Variants in DDX5 observed in about 807,000 individuals in gnomAD.
The protein encoded by DDX5 is probable ATP-dependent RNA helicase DDX5.
A neutral mutation model predicts 68.6 loss-of-function variants in DDX5; 6 were observed. The ratio of observed to expected loss-of-function variants is 0.09; its 90% CI spans 0.05 to 0.17. DDX5 has a LOEUF of 0.17. Among genes scored for constraint, DDX5 ranks in the 10% least tolerant of loss-of-function variants. The pLI is 1.00. For missense variants in DDX5, 499 were observed against 756.1 expected (o/e 0.66, Z 3.99); for synonymous variants, 350 against 247.0 (o/e 1.42, Z -3.91).
rs782176370 is a variant in DDX5, at chr17:64,504,723, T to G, written c.164A>C (p.Glu55Ala). The G allele has an allele frequency of 1.2e-6, 2 of 1,613,852 alleles. No homozygotes were observed. The highest frequency in any genetic ancestry group is 1.1e-5 in the South Asian group (1 of 90,996). The change falls in exon 2 of 13, where the codon GAG becomes GCG. Residue 55 changes from glutamate (E) to alanine (A), a missense_variant. Glu to Ala is a moderately radical substitution (Grantham distance 107). Transcript: ENST00000225792. Reference protein sequence around the residue: ...KWNLDELPKFEKNFYQEHPDL... With the variant: ...KWNLDELPKFAKNFYQEHPDL... ...AGGGTGCTCTTGATAAAAATTCTTCTCAAATTTAGGCAGCTCATCAAGATT... is the reference window on the plus strand; with the variant it reads ...AGGGTGCTCTTGATAAAAATTCTTCGCAAATTTAGGCAGCTCATCAAGATT...
chr17:64,505,081 C>T, intron 1 of DDX5: 2 of 397,072 alleles, frequency 5.0e-6, no homozygotes, highest in Admixed American at 4.2e-5. Flanking sequence ...ATGTCGGAAG[C>T]CGGGGATTTA....
In DDX5 at chr17:64,504,013, C is replaced by T. The variant is rs1598151165; in HGVS notation, c.411G>A (p.Val137=). 6.2e-7 allele frequency: 1 copy of T among 1,614,194 alleles called. No homozygotes were observed. The highest frequency in any genetic ancestry group is 8.5e-7 in the Non-Finnish European group (1 of 1,180,032). The part of the protein sequence containing the change: ...VALSGLDMVG[V]AQTGSGKTLS... ...ATGTTTTCCCAGATCCAGTCTGTGCCACTCCAACCATATCCAATCCACTTA... is the reference window on the plus strand; with the variant it reads ...ATGTTTTCCCAGATCCAGTCTGTGCTACTCCAACCATATCCAATCCACTTA... The change falls in exon 4 of 13, where the codon GTG becomes GTA. Residue 137 remains valine (V), a synonymous_variant. Coordinates refer to ENST00000225792, the MANE Select transcript of DDX5 (RefSeq NM_004396.5).
Position 64,499,546 on chromosome 17 carries a change from CA to C in DDX5, c.*376del, listed in dbSNP as rs77689435. On this transcript the variant is annotated 3_prime_UTR_variant, in exon 13 of 13. Transcript: ENST00000225792. ...ATGGAAAAAAAAAACCAAACAAAAACAAAAAAAAAACCAGACCATCTTAAGC... is the reference window on the plus strand; with the variant it reads ...ATGGAAAAAAAAAACCAAACAAAAACAAAAAAAAACCAGACCATCTTAAGC... 342 of 206,428 alleles carry C rather than the reference CA, an allele frequency of 1.7e-3. No homozygotes were observed. Among genetic ancestry groups the C allele is most frequent in the Middle Eastern group, 4.4e-3 (3 of 676 alleles). The allele number at this position is 206,428 out of a possible 1,614,324, so 12.8% of individuals were successfully genotyped here.
chr17:64,501,884 G>C, intron 11 of DDX5, 126 bp downstream of exon 11: 2 of 955,874 alleles, frequency 2.1e-6, no homozygotes, highest in Non-Finnish European at 3.2e-6. Context: ...TTGCCACAAA[G>C]ACAGCACCTT....
rs782640879 is a variant in DDX5 at position 64,504,694 on chromosome 17, A to G, written c.193T>C (p.Leu65=). 7 of 1,613,124 alleles carry G rather than the reference A, an allele frequency of 4.3e-6. No homozygotes were observed. Among genetic ancestry groups the G allele is most frequent in the Admixed American group, 1.7e-5 (1 of 59,792 alleles). ...EKNFYQEHPD[L]ARRTAQEVET... ...TTACTCACTGCTGTGCGCCTAGCCA[A>G]ATCAGGGTGCTCTTGATAAAAATTC... is the stretch of plus-strand genomic sequence containing the variant. Residue 65 remains leucine, a synonymous_variant, in exon 2 of 13, where the codon TTG becomes CTG. Coordinates refer to ENST00000225792, the MANE Select transcript of DDX5 (RefSeq NM_004396.5).
chr17:64,506,050 C>G, intron 1 of DDX5, 26 bp downstream of exon 1: 1 of 1,560,602 alleles, frequency 6.4e-7, no homozygotes, highest in Non-Finnish European at 8.7e-7. Context: ...ACCCGCCAGG[C>G]CTGACAGCTC....
Position 64,503,578 on chromosome 17 carries a change from A to C in DDX5, c.508-7T>G. 1 of 1,613,114 alleles carries C rather than the reference A, an allele frequency of 6.2e-7. No individual in the cohort carries two copies. The highest frequency in any genetic ancestry group is 1.1e-5 in the South Asian group (1 of 90,844). On this transcript the variant is annotated splice_polypyrimidine_tract_variant and splice_region_variant and intron_variant, in intron 5 of 12. Coordinates refer to ENST00000225792, the MANE Select transcript of DDX5 (RefSeq NM_004396.5). Reference sequence around the variant, plus strand: ...TTGGTGCCAGCACCAAACACTAAGGAAAGAGAAACAGCTTTCAGCACAAAC... The same window carrying C: ...TTGGTGCCAGCACCAAACACTAAGGCAAGAGAAACAGCTTTCAGCACAAAC...
intron 1 of DDX5, 57 bp downstream of exon 1, chr17:64,506,019 G>GGGGGCCCCC: frequency 7.4e-7 from 1 of 1,360,444 alleles, no homozygotes; most frequent in Non-Finnish European, 1.0e-6. Context: ...CCGCCACCCT[G>GGGGGCCCCC]ACCCGCCCTC....
chr17:64,506,594 G>A, upstream of DDX5: 1 of 389,726 alleles, frequency 2.6e-6, no homozygotes, highest in Non-Finnish European at 4.7e-6. Context: ...GCCACTCGGA[G>A]ATGTTTACGT....
chr17:64,506,417 C>G (rs2038527939), upstream of DDX5: 2 of 1,383,130 alleles, frequency 1.4e-6, no homozygotes, highest in East Asian at 2.8e-5. Context: ...CGCTGGCGTT[C>G]CAGGATCGCC....
chr17:64,499,203 T>C lies in DDX5; in HGVS notation c.*720A>G, dbSNP rs1326107308. On this transcript the variant is annotated 3_prime_UTR_variant, in exon 13 of 13. Coordinates refer to ENST00000225792, the MANE Select transcript of DDX5 (RefSeq NM_004396.5). ...GCCAAGAGCATGAGTATAAGTCTCT[T>C]GAAAAAGCCAGTTATTTGGAGCTTT... Among the ~76,000 whole-genome samples, 1 of 152,218 alleles carries C rather than the reference T, an allele frequency of 6.6e-6. No homozygotes were observed. Among genetic ancestry groups the C allele is most frequent in the Non-Finnish European group, 1.5e-5 (1 of 68,036 alleles).
chr17:64,502,944 T>A lies in DDX5; in HGVS notation c.965A>T (p.Asp322Val). The A allele has an allele frequency of 6.3e-7, 1 of 1,598,574 alleles. No homozygotes were observed. Among genetic ancestry groups the A allele is most frequent in the Non-Finnish European group, 8.5e-7 (1 of 1,171,618 alleles). ...AACTTACTTTTCATCCTTTTCTACG[T>A]CATGACACACATCCACAATCTGAAG... is the stretch of plus-strand genomic sequence containing the variant. ...NILQIVDVCH[D>V]VEKDEKLIRL... The change falls in exon 8 of 13, where the codon GAC becomes GTC. Residue 322 changes from aspartate to valine, a missense_variant. By Grantham distance (152) the Asp-to-Val change is radical. Around this residue, in one of 5 missense-constraint regions of DDX5, gnomAD observed 141 missense variants for 279.8 expected, o/e 0.50. Coordinates refer to ENST00000225792, the MANE Select transcript of DDX5 (RefSeq NM_004396.5).
At chr17:64,505,902 C>G (rs554722176) in intron 1 of DDX5, 174 bp downstream of exon 1, 2 of 1,534,844 alleles carry the variant, frequency 1.3e-6, no homozygotes, top group Non-Finnish European at 1.7e-6. Flanking sequence ...ACCGTCAAAT[C>G]TCTTCCAATC....
chr17:64,505,069 T>C (rs2038406215), intron 1 of DDX5: 1 of 415,166 alleles, frequency 2.4e-6, no homozygotes, highest in Non-Finnish European at 4.2e-6. Context: ...CTGGGATTTA[T>C]CATGTCGGAA....
chr17:64,503,678 C>A, intron 5 of DDX5, 107 bp from the exon 6 acceptor site: 1 of 1,541,678 alleles, frequency 6.5e-7, no homozygotes. Context: ...ATACCCAAAA[C>A]AGCTCCAGCT....
At chr17:64,506,397 C>G, upstream of DDX5, 4 of 1,398,342 alleles carry the variant, frequency 2.9e-6, no homozygotes, top group Non-Finnish European at 3.7e-6. Context: ...CGCGCATAGG[C>G]CGCAACGCCC....
In DDX5 at chr17:64,500,071, G is replaced by A. The variant is rs782101616; in HGVS notation, c.1697C>T (p.Thr566Ile). Residue 566 changes from threonine to isoleucine, a missense_variant, in exon 13 of 13, where the codon ACT becomes ATT. Physicochemically the swap from Thr to Ile is moderately conservative, Grantham distance 89 (BLOSUM62 -1). This residue lies in a region of DDX5 where 171 missense variants were observed against 174.8 expected (regional missense o/e 0.98). Coordinates refer to ENST00000225792, the MANE Select transcript of DDX5 (RefSeq NM_004396.5). ...TSFRTGNPTG[T>I]YQNGYDSTQQ... The stretch of plus-strand genomic sequence containing the variant: ...AGTGCTATCATAACCATTCTGGTAA[G>A]TCCCTGTTGGATTACCAGTCCTAAA... 1.2e-6 allele frequency: 2 copies of A among 1,614,198 alleles called. No homozygotes were observed. The highest frequency in any genetic ancestry group is 2.2e-5 in the South Asian group (2 of 91,076).
Position 64,504,972 on chromosome 17 carries a change from C to T in DDX5, c.45-130G>A, listed in dbSNP as rs1000479703. The T allele has an allele frequency of 6.5e-6, 5 of 767,420 alleles. No individual in the cohort carries two copies. The Admixed American group carries it at 1.0e-4, about 15-fold the overall frequency. The allele number at this position is 767,420 out of a possible 1,614,324, so 47.5% of individuals were successfully genotyped here. A position where few individuals can be genotyped will look rare whatever the true frequency, so the allele number is the denominator to read the frequency against. ...TTCGAGAGGTAAACCTAGCACTGTCCTTCGTGAAAATCTCTCTCTCTCTCA... is the reference window on the plus strand; with the variant it reads ...TTCGAGAGGTAAACCTAGCACTGTCTTTCGTGAAAATCTCTCTCTCTCTCA... On this transcript the variant is annotated intron_variant, in intron 1 of 12. Transcript: ENST00000225792.
intron 12 of DDX5, 45 bp from the exon 13 acceptor site, chr17:64,500,371 CA>C: frequency 6.4e-7 from 1 of 1,568,438 alleles, no homozygotes; most frequent in Non-Finnish European, 8.6e-7. Context: ...GTCTATGACA[CA>C]AATCATTGTG....
Sources: allele counts gnomAD v4.1 joint callset (sites outside exome capture counted in the v4.1 genomes callset), GRCh38; gene constraint gnomAD v4.1.1; regional missense constraint gnomAD v4.1.1; transcripts MANE v1.5; gene names NCBI Gene and HGNC (gene_info 2026-07-23, HGNC 2026-07-21).